The following EXOC4 variants were observed in gnomAD, a reference collection of about 807,000 sequenced individuals.
EXOC4 encodes the protein exocyst complex component 4, also known as SEC8-like 1.
A neutral mutation model predicts 107.2 loss-of-function variants in EXOC4; 71 were observed. The ratio of observed to expected loss-of-function variants is 0.66; its 90% CI spans 0.55 to 0.81. The LOEUF (loss-of-function observed/expected upper bound fraction) is 0.81, where lower values mean the gene tolerates loss of function less well. EXOC4 is among the 30% of genes least tolerant of loss of function. The pLI is 0.00. For synonymous variants in EXOC4, 456 were observed against 441.2 expected (o/e 1.03, Z -0.42); for missense variants, 1,108 against 1,189.6 (o/e 0.93, Z 1.01).
intron 9 of EXOC4, among the ~76,000 whole-genome samples, chr7:133,620,063 C>G (rs1585036486): frequency 6.6e-6 from 1 of 151,798 alleles, no homozygotes; most frequent in African/African-American, 2.4e-5. Context: ...CCCTCTGTTA[C>G]CCAGGCTGGA....
chr7:134,043,609 G>T (rs937248035), intron 17 of EXOC4, among the ~76,000 whole-genome samples: 1 of 150,254 alleles, frequency 6.7e-6, no homozygotes, highest in African/African-American at 2.4e-5. Context: ...GGGTCCTCCA[G>T]GGATAGCAGT....
At chr7:133,744,755 C>G (rs1795639584) in intron 10 of EXOC4, among the ~76,000 whole-genome samples, 2 of 152,154 alleles carry the variant, frequency 1.3e-5, no homozygotes, top group Admixed American at 6.6e-5. Flanking sequence ...TGATTGGTGA[C>G]TTGGCTCTGT....
chr7:133,711,321 T>A (rs1794889005), intron 10 of EXOC4, among the ~76,000 whole-genome samples: 1 of 152,220 alleles, frequency 6.6e-6, no homozygotes, highest in Non-Finnish European at 1.5e-5. Flanking sequence ...TGGAGCTGGA[T>A]TGCAATGCTC....
At chr7:133,849,645 C>T (rs1265164227) in intron 11 of EXOC4, among the ~76,000 whole-genome samples, 1 of 152,186 alleles carries the variant, frequency 6.6e-6, no homozygotes, top group Non-Finnish European at 1.5e-5. Context: ...CATCACTATT[C>T]TTATCACAAT....
At chr7:133,793,202 T>G (rs994904178) in intron 10 of EXOC4, among the ~76,000 whole-genome samples, 1 of 152,190 alleles carries the variant, frequency 6.6e-6, no homozygotes, top group African/African-American at 2.4e-5. Context: ...CCTTTTATCT[T>G]CATCAATACT....
intron 1 of EXOC4, among the ~76,000 whole-genome samples, chr7:133,266,071 T>C (rs1338454645): frequency 6.6e-6 from 1 of 152,174 alleles, no homozygotes; most frequent in Non-Finnish European, 1.5e-5. Context: ...ACTAAAGCAA[T>C]AGAAATGTAT....
Position 134,005,196 on chromosome 7 carries a change from G to T in EXOC4, c.2527+106G>T. Reference sequence around the variant, plus strand: ...CAAGACTTGTAGAAAAGAGTTGTTTGCTTGCTTGCTTGTTTGAACTAAATC... The same window carrying T: ...CAAGACTTGTAGAAAAGAGTTGTTTTCTTGCTTGCTTGTTTGAACTAAATC... On this transcript the variant is annotated intron_variant, in intron 16 of 17. Transcript: ENST00000253861. The T allele has an allele frequency of 1.3e-5, 15 of 1,188,338 alleles. 1 individual carries two copies. In the South Asian group the frequency reaches 2.1e-4, roughly 17 times the overall value. The allele number at this position is 1,188,338 out of a possible 1,614,324, so 73.6% of individuals were successfully genotyped here.
intron 10 of EXOC4, chr7:133,733,492 A>T (rs1241120810): frequency 6.6e-6 from 1 of 152,178 alleles, no homozygotes; most frequent in African/African-American, 2.4e-5. Flanking sequence ...ACTCTGTCTC[A>T]AAGAAAGAAA....
At chr7:133,663,961 A>T (rs1793754545) in intron 10 of EXOC4, among the ~76,000 whole-genome samples, 1 of 152,174 alleles carries the variant, frequency 6.6e-6, no homozygotes, top group Non-Finnish European at 1.5e-5. Context: ...CTACTGGTTG[A>T]TGCTGAATGC....
At chr7:133,484,983 G>T (rs950824585) in intron 9 of EXOC4, among the ~76,000 whole-genome samples, 3 of 151,410 alleles carry the variant, frequency 2.0e-5, no homozygotes, top group African/African-American at 7.3e-5. Flanking sequence ...GGGAGGCTGA[G>T]GCAGGAGAAT....
chr7:133,270,470 G>A (rs1228771043), intron 1 of EXOC4, among the ~76,000 whole-genome samples: 2 of 152,164 alleles, frequency 1.3e-5, no homozygotes, highest in Admixed American at 6.5e-5. Flanking sequence ...AAGTCATGGT[G>A]TGGAAGAAAC....
At chr7:133,616,293 C>A (rs1253133761) in intron 9 of EXOC4, among the ~76,000 whole-genome samples, 3 of 151,950 alleles carry the variant, frequency 2.0e-5, no homozygotes, top group Non-Finnish European at 4.4e-5. Flanking sequence ...CCTTTTTATA[C>A]ATCATAATGT....
At chr7:133,626,173 C>T (rs1014865148) in intron 9 of EXOC4, among the ~76,000 whole-genome samples, 5 of 151,844 alleles carry the variant, frequency 3.3e-5, no homozygotes, top group East Asian at 1.9e-4. Flanking sequence ...CACCAGTGTA[C>T]ACCAGCCTAG....
chr7:134,044,678 A>G (rs1175579394), intron 17 of EXOC4, among the ~76,000 whole-genome samples: 1 of 152,210 alleles, frequency 6.6e-6, no homozygotes, highest in Non-Finnish European at 1.5e-5. Context: ...TTAATGTAGC[A>G]CACGTTAGCA....
At chr7:133,916,923 A>G (rs865798055) in intron 12 of EXOC4, among the ~76,000 whole-genome samples, 23 of 152,336 alleles carry the variant, frequency 1.5e-4, no homozygotes, top group African/African-American at 4.8e-4. Flanking sequence ...TACAGGTAAC[A>G]TTCTGGTAAG....
At chr7:134,023,624 G>A (rs1456723111) in intron 17 of EXOC4, among the ~76,000 whole-genome samples, 1 of 152,108 alleles carries the variant, frequency 6.6e-6, no homozygotes, top group Non-Finnish European at 1.5e-5. Context: ...TCTACACTGT[G>A]GTAAATGACA....
At chr7:133,590,843 G>C (rs1488491329) in intron 9 of EXOC4, among the ~76,000 whole-genome samples, 1 of 152,208 alleles carries the variant, frequency 6.6e-6, no homozygotes, top group Non-Finnish European at 1.5e-5. Flanking sequence ...TTGGGATACA[G>C]AGGGCTGTCA....
chr7:133,989,386 T>C (rs914432550), intron 14 of EXOC4, among the ~76,000 whole-genome samples: 1 of 152,118 alleles, frequency 6.6e-6, no homozygotes, highest in Non-Finnish European at 1.5e-5. Context: ...TGGATAATAG[T>C]GTAAACAATG....
chr7:133,838,339 G>A (rs1797959638), intron 11 of EXOC4, among the ~76,000 whole-genome samples: 1 of 152,006 alleles, frequency 6.6e-6, no homozygotes, highest in South Asian at 2.1e-4. Flanking sequence ...AGTCTCTAGG[G>A]GTATAAATTG....
Sources: allele counts gnomAD v4.1 joint callset (sites outside exome capture counted in the v4.1 genomes callset), GRCh38; gene constraint gnomAD v4.1.1; transcripts MANE v1.5; gene names NCBI Gene and HGNC (gene_info 2026-07-23, HGNC 2026-07-21).